The following ACO2 variants were observed in gnomAD, a reference collection of about 807,000 sequenced individuals.
ACO2 encodes the protein aconitate hydratase, mitochondrial.
ACO2 carries 31 observed loss-of-function variants against 84.5 expected under a neutral mutation model. The ratio of observed to expected loss-of-function variants is 0.37; its 90% CI spans 0.28 to 0.50. The LOEUF (loss-of-function observed/expected upper bound fraction) is 0.50. ACO2 is among the 20% of genes least tolerant of loss of function. ACO2 has a pLI of 0.97. For missense variants in ACO2, 685 were observed against 1,029.3 expected, an observed-to-expected ratio of 0.67 and a Z score of 4.58; for synonymous variants, 414 against 412.7, an observed-to-expected ratio of 1.00 and a Z score of -0.04.
chr22:41,509,934 C>T (rs2066422491), intron 3 of ACO2, among the ~76,000 whole-genome samples: 1 of 147,426 alleles, frequency 6.8e-6, no homozygotes, highest in Non-Finnish European at 1.5e-5. Context: ...CTCCTGGGTT[C>T]AAGCGATTCT....
At chr22:41,527,116 AC>A in intron 15 of ACO2, 171 bp from the exon 16 acceptor site, 1 of 941,120 alleles carries the variant, frequency 1.1e-6, no homozygotes, top group South Asian at 1.7e-5. Flanking sequence ...GGTCTCATTC[AC>A]GCAGGCTTCA....
intron 1 of ACO2, among the ~76,000 whole-genome samples, chr22:41,489,358 C>CT (rs1438977402): frequency 7.2e-5 from 11 of 152,150 alleles, no homozygotes; most frequent in African/African-American, 1.4e-4. Context: ...TAATAATACT[C>CT]TTAATAGTAA....
intron 9 of ACO2, chr22:41,521,723 T>C (rs1347645195): frequency 6.6e-6 from 1 of 152,000 alleles, no homozygotes; most frequent in Admixed American, 6.6e-5. Context: ...ATTACTAAAT[T>C]AATAAAAGAA....
intron 1 of ACO2, among the ~76,000 whole-genome samples, chr22:41,473,251 T>C (rs1366768995): frequency 6.6e-6 from 1 of 152,130 alleles, no homozygotes; most frequent in East Asian, 1.9e-4. Flanking sequence ...ACGCCTGTAA[T>C]TCCAGCACAT....
At chr22:41,486,467 G>GTT (rs1312403933) in intron 1 of ACO2, among the ~76,000 whole-genome samples, 1 of 138,060 alleles carries the variant, frequency 7.2e-6, no homozygotes, top group African/African-American at 3.0e-5. Context: ...CTAACTTTTT[G>GTT]TATTTTTTTT....
intron 1 of ACO2, among the ~76,000 whole-genome samples, chr22:41,491,855 T>A (rs1248519979): frequency 6.6e-6 from 1 of 152,130 alleles, no homozygotes; most frequent in Non-Finnish European, 1.5e-5. Flanking sequence ...GTCACAGCAG[T>A]TAAGTGGTGG....
intron 6 of ACO2, chr22:41,517,233 C>T: frequency 2.5e-6 from 1 of 400,724 alleles, no homozygotes; most frequent in Non-Finnish European, 4.7e-6. Context: ...ACAGTCAGGC[C>T]CCAAGCTCGC....
chr22:41,497,891 T>TA (rs1387150995), intron 1 of ACO2, among the ~76,000 whole-genome samples: 1 of 146,512 alleles, frequency 6.8e-6, no homozygotes, highest in Non-Finnish European at 1.5e-5. Context: ...TAAAAAAAAA[T>TA]AAAAAAAATA....
chr22:41,525,699 G>A (rs1305937147), intron 14 of ACO2: 4 of 282,290 alleles, frequency 1.4e-5, no homozygotes, highest in East Asian at 7.8e-5. Context: ...CACCTGGCAC[G>A]TCCACACAGG....
chr22:41,493,758 ATGT>A (rs1189923371), intron 1 of ACO2, among the ~76,000 whole-genome samples: 2 of 152,102 alleles, frequency 1.3e-5, no homozygotes, highest in Non-Finnish European at 2.9e-5. Flanking sequence ...CCTGGGCAAC[ATGT>A]TGTAAAAAAT....
At chr22:41,472,111 T>C (rs1369582807) in intron 1 of ACO2, among the ~76,000 whole-genome samples, 1 of 152,062 alleles carries the variant, frequency 6.6e-6, no homozygotes, top group Non-Finnish European at 1.5e-5. Flanking sequence ...TCCCAGCACT[T>C]TGGGAGGCCA....
intron 2 of ACO2, among the ~76,000 whole-genome samples, chr22:41,501,268 C>T (rs1454046442): frequency 6.6e-6 from 1 of 152,192 alleles, no homozygotes; most frequent in Non-Finnish European, 1.5e-5. Flanking sequence ...TCCCAAAGTG[C>T]TGGGATTACA....
At chr22:41,506,439 G>C (rs2066393874) in intron 2 of ACO2, among the ~76,000 whole-genome samples, 1 of 152,022 alleles carries the variant, frequency 6.6e-6, no homozygotes, top group Non-Finnish European at 1.5e-5. Flanking sequence ...ATTTTTAGTA[G>C]AGACAGTGTT....
At chr22:41,479,131 C>T (rs567376716) in intron 1 of ACO2, among the ~76,000 whole-genome samples, 3 of 152,214 alleles carry the variant, frequency 2.0e-5, no homozygotes, top group South Asian at 2.1e-4. Flanking sequence ...CTATAATACA[C>T]GGTACTGAAG....
chr22:41,522,347 C>CA (rs2066533504), intron 9 of ACO2, among the ~76,000 whole-genome samples: 1 of 152,098 alleles, frequency 6.6e-6, no homozygotes, highest in African/African-American at 2.4e-5. Flanking sequence ...TCAACAACAA[C>CA]AAAAAGAGAC....
chr22:41,520,424 G>A (rs560449953), intron 9 of ACO2, 148 bp downstream of exon 9: 20 of 567,514 alleles, frequency 3.5e-5, no homozygotes, highest in African/African-American at 2.4e-4. Flanking sequence ...TTACTTTTTC[G>A]GCCAGAAGTG....
At chr22:41,513,629 G>C (rs1215748021) in intron 4 of ACO2, among the ~76,000 whole-genome samples, 1 of 152,140 alleles carries the variant, frequency 6.6e-6, no homozygotes. Flanking sequence ...CATCTGCCAA[G>C]TGCTTTCTGC....
chr22:41,514,498 A>T (rs2066460678), intron 4 of ACO2, among the ~76,000 whole-genome samples: 2 of 152,178 alleles, frequency 1.3e-5, no homozygotes, highest in Admixed American at 1.3e-4. Flanking sequence ...TCCCACAACA[A>T]CTAGTAGATG....
At chr22:41,474,929 C>T (rs767414565) in intron 1 of ACO2, among the ~76,000 whole-genome samples, 38 of 152,040 alleles carry the variant, frequency 2.5e-4, no homozygotes, top group Non-Finnish European at 3.8e-4. Context: ...TAGCTAAGGG[C>T]AGAATCTCAT....
Sources: gnomAD v4.1 joint callset for allele counts (sites outside exome capture counted in the v4.1 genomes callset) on GRCh38, gnomAD v4.1.1 for gene constraint, MANE v1.5 for transcripts, NCBI Gene and HGNC (gene_info 2026-07-23, HGNC 2026-07-21) for gene names.